ELMO1: variants seen among roughly 807,000 people sequenced by gnomAD.
ELMO1 encodes engulfment and cell motility protein 1.
ELMO1 carries 26 observed loss-of-function variants against 98.9 expected under a neutral mutation model. That is an observed-to-expected ratio of 0.26 (90% CI 0.19 to 0.36). The LOEUF (loss-of-function observed/expected upper bound fraction) is 0.36. Among genes scored for constraint, ELMO1 ranks in the 10% least tolerant of loss-of-function variants. The probability of loss-of-function intolerance (pLI) is 1.00; values close to 1 mark genes in which losing one functional copy is unlikely to be tolerated. For synonymous variants in ELMO1, 346 were observed against 346.0 expected (o/e 1.00, Z 0.00); for missense variants, 627 against 935.2 (o/e 0.67, Z 4.30).
At chr7:36,910,830 G>T (rs557900370) in intron 16 of ELMO1, among the ~76,000 whole-genome samples, 1 of 152,272 alleles carries the variant, frequency 6.6e-6, no homozygotes, top group South Asian at 2.1e-4. Flanking sequence ...GAGGACACGT[G>T]GTGCCTCCCT....
intron 13 of ELMO1, among the ~76,000 whole-genome samples, chr7:37,170,845 G>T (rs138298923): frequency 0.038 from 5,800 of 152,168 alleles, 390 homozygotes; most frequent in African/African-American, 0.13. Flanking sequence ...GGCCTCAAGT[G>T]ATCTACCCAC....
At chr7:37,245,139 C>G (rs535916002) in intron 6 of ELMO1, among the ~76,000 whole-genome samples, 8 of 152,260 alleles carry the variant, frequency 5.3e-5, no homozygotes, top group Non-Finnish European at 1.0e-4. Context: ...AGTCCTACCC[C>G]CAAACTCATC....
At chr7:37,017,238 AC>A (rs1002664408) in intron 15 of ELMO1, among the ~76,000 whole-genome samples, 1 of 152,078 alleles carries the variant, frequency 6.6e-6, no homozygotes, top group Non-Finnish European at 1.5e-5. Context: ...CTTCTGCTGA[AC>A]CAACCCTTTT....
At chr7:36,947,878 T>C (rs1043049509) in intron 16 of ELMO1, among the ~76,000 whole-genome samples, 5 of 152,184 alleles carry the variant, frequency 3.3e-5, no homozygotes, top group African/African-American at 9.7e-5. Context: ...ATTCTTTTCC[T>C]GGCTGACTCT....
At chr7:37,329,691 G>C (rs1799999984) in intron 2 of ELMO1, among the ~76,000 whole-genome samples, 1 of 152,168 alleles carries the variant, frequency 6.6e-6, no homozygotes, top group South Asian at 2.1e-4. Context: ...CTCTACAGAT[G>C]TTTTCTATCT....
At chr7:37,392,306 C>G (rs1054200926) in intron 1 of ELMO1, among the ~76,000 whole-genome samples, 3 of 152,150 alleles carry the variant, frequency 2.0e-5, no homozygotes, top group East Asian at 3.9e-4. Flanking sequence ...AGGAGAAGCT[C>G]TAAGGAACCT....
At chr7:37,411,477 T>A (rs1228863079) in intron 1 of ELMO1, among the ~76,000 whole-genome samples, 1 of 152,162 alleles carries the variant, frequency 6.6e-6, no homozygotes, top group Non-Finnish European at 1.5e-5. Context: ...TAAATAAAAT[T>A]TAATTTTCTG....
At chr7:36,905,874 C>A (rs1783921740) in intron 16 of ELMO1, among the ~76,000 whole-genome samples, 1 of 152,192 alleles carries the variant, frequency 6.6e-6, no homozygotes, top group African/African-American at 2.4e-5. Context: ...TTAGTTACTA[C>A]AAAGAAATAA....
In ELMO1 at chr7:37,254,776, T is replaced by C. The variant is rs149891347; in HGVS notation, c.413+4405A>G. ...GTTCTTATGCAGTGCGTGACTGTAG[T>C]TAAGATATTAATGAGTGTGATACTC... is the stretch of plus-strand genomic sequence containing the variant. On this transcript the variant is annotated intron_variant, in intron 6 of 21. Transcript: ENST00000310758. Among the ~76,000 whole-genome samples the C allele has an allele frequency of 2.1e-3, 317 of 152,290 alleles. 1 individual carries two copies. The highest frequency in any genetic ancestry group is 3.4e-3 in the Non-Finnish European group (232 of 68,024).
Position 36,853,324 on chromosome 7 carries a change from C to A in ELMO1, c.*2227G>T, listed in dbSNP as rs925171713. Among the ~76,000 whole-genome samples the A allele has an allele frequency of 5.9e-5, 9 of 152,312 alleles. No individual in the cohort carries two copies. The highest frequency in any genetic ancestry group is 2.2e-4 in the African/African-American group (9 of 41,568). Reference sequence around the variant, plus strand: ...AGAGAGAGGGGCTGGATCTCCCCAACCAAGGTCACAGGACAGATACATTTC... The same window carrying A: ...AGAGAGAGGGGCTGGATCTCCCCAAACAAGGTCACAGGACAGATACATTTC... On this transcript the variant is annotated 3_prime_UTR_variant, in exon 22 of 22. Transcript: ENST00000310758.
chr7:36,904,434 A>G (rs780559915), intron 16 of ELMO1, among the ~76,000 whole-genome samples: 11 of 152,164 alleles, frequency 7.2e-5, no homozygotes, highest in Non-Finnish European at 1.5e-4. Flanking sequence ...GAATCTGATC[A>G]TAATCCAAAA....
At chr7:37,437,150 A>C (rs551192067) in intron 1 of ELMO1, among the ~76,000 whole-genome samples, 4 of 152,284 alleles carry the variant, frequency 2.6e-5, no homozygotes, top group African/African-American at 9.6e-5. Flanking sequence ...AATTCCTGAC[A>C]ATTGCTCCTT....
chr7:37,171,481 CTATTTTTTTTTTTTT>C (rs1790154623), intron 13 of ELMO1, among the ~76,000 whole-genome samples: 1 of 44,268 alleles, frequency 2.3e-5, no homozygotes, highest in Non-Finnish European at 5.1e-5. Flanking sequence ...CCAGGCCTTT[CTATTTTTTTTTTTTT>C]TTTTTTTTTT....
intron 15 of ELMO1, among the ~76,000 whole-genome samples, chr7:37,050,509 A>G (rs1322628502): frequency 6.6e-6 from 1 of 152,012 alleles, no homozygotes; most frequent in Non-Finnish European, 1.5e-5. Context: ...AAGGGAGTGC[A>G]CGCAAATCTG....
rs925881089 is a variant in ELMO1 at position 36,854,120 on chromosome 7, T to G, written c.*1431A>C. On this transcript the variant is annotated 3_prime_UTR_variant, in exon 22 of 22. Coordinates refer to ENST00000310758, the MANE Select transcript of ELMO1 (RefSeq NM_014800.11). Reference sequence around the variant, plus strand: ...CATACAGTGGGTCTGATTTTCTCAGTGAGTCGAGATGGTCTTCTTAGAAGT... The same window carrying G: ...CATACAGTGGGTCTGATTTTCTCAGGGAGTCGAGATGGTCTTCTTAGAAGT... Among the ~76,000 whole-genome samples the G allele has an allele frequency of 6.6e-6, 1 of 152,016 alleles. No individual in the cohort carries two copies. The highest frequency in any genetic ancestry group is 1.5e-5 in the Non-Finnish European group (1 of 68,002).
intron 4 of ELMO1, 103 bp downstream of exon 4, chr7:37,314,747 C>T (rs1233220430): frequency 9.8e-7 from 1 of 1,022,804 alleles, no homozygotes; most frequent in South Asian, 1.6e-5. Context: ...ATAGTAGAGA[C>T]CTAAAATTTA....
intron 16 of ELMO1, among the ~76,000 whole-genome samples, chr7:36,940,753 ACATTTGAGTGTCTAG>A (rs374534784): frequency 6.6e-6 from 1 of 152,236 alleles, no homozygotes; most frequent in African/African-American, 2.4e-5. Flanking sequence ...ACCAAGTCAA[ACATTTGAGTGTCTAG>A]CATGTGCAGG....
At chr7:37,270,920 C>CAA (rs1383894942) in intron 5 of ELMO1, 6 of 151,760 alleles carry the variant, frequency 4.0e-5, no homozygotes. Flanking sequence ...CACACACACA[C>CAA]ACACACTGAC....
intron 16 of ELMO1, among the ~76,000 whole-genome samples, chr7:36,998,500 T>C (rs1792385159): frequency 6.6e-6 from 1 of 152,202 alleles, no homozygotes; most frequent in South Asian, 2.1e-4. Context: ...CATTTGTACA[T>C]ATATCTTAGG....
Sources: allele counts gnomAD v4.1 joint callset (sites outside exome capture counted in the v4.1 genomes callset), GRCh38; gene constraint gnomAD v4.1.1; transcripts MANE v1.5; gene names NCBI Gene and HGNC (gene_info 2026-07-23, HGNC 2026-07-21).